NREP: variants seen among roughly 807,000 people sequenced by gnomAD.
NREP encodes neuronal regeneration related protein, also known as neuronal regeneration-related protein.
In NREP, 5 loss-of-function variants were observed where a neutral mutation model predicts 8.6. The observed-to-expected ratio is 0.58, with a 90% CI of 0.30 to 1.22. The LOEUF is 1.22. Among genes scored for constraint, NREP ranks in the 50% most tolerant of loss-of-function variants. The pLI is 0.07. For missense variants in NREP, 86 were observed against 82.5 expected (o/e 1.04, Z -0.17); for synonymous variants, 27 against 28.0 (o/e 0.96, Z 0.11).
chr5:111,778,680 TTGTG>T (rs1223666381), intron 2 of NREP, among the ~76,000 whole-genome samples: 3 of 152,154 alleles, frequency 2.0e-5, no homozygotes, highest in Non-Finnish European at 4.4e-5. Flanking sequence ...ACAAGTTTGT[TTGTG>T]TTTGTTTGTT....
At chr5:111,836,392 C>T (rs1752894336) in intron 2 of NREP, among the ~76,000 whole-genome samples, 1 of 151,992 alleles carries the variant, frequency 6.6e-6, no homozygotes, top group Non-Finnish European at 1.5e-5. Context: ...AAAAGCAATA[C>T]ATTAGCAAAA....
intron 2 of NREP, among the ~76,000 whole-genome samples, chr5:111,944,499 C>T (rs576092060): frequency 5.1e-4 from 78 of 152,046 alleles, no homozygotes; most frequent in Non-Finnish European, 8.2e-4. Context: ...GTAGAGATGA[C>T]GTCTTGCCAT....
intron 2 of NREP, among the ~76,000 whole-genome samples, chr5:111,803,897 A>C (rs544396273): frequency 2.0e-5 from 3 of 152,332 alleles, no homozygotes; most frequent in Admixed American, 2.0e-4. Flanking sequence ...AAATATAGAA[A>C]GATATTCCTT....
rs186273161 is a variant in NREP, at chr5:111,880,873, G to T, written c.135+94401C>A. Among the ~76,000 whole-genome samples the T allele has an allele frequency of 2.5e-3, 376 of 151,626 alleles. 3 individuals are homozygous for T. The highest frequency in any genetic ancestry group is 8.6e-3 in the African/African-American group (356 of 41,266). On this transcript the variant is annotated intron_variant, in intron 2 of 3. Coordinates refer to the NREP transcript ENST00000395634. ...AAGATGGCTGAATAGGAACAGCTCC[G>T]TTCTACAGCTCCCAGCGTGAGCAAC...
At chr5:111,743,451 T>C (rs1749809327) in intron 2 of NREP, among the ~76,000 whole-genome samples, 1 of 152,220 alleles carries the variant, frequency 6.6e-6, no homozygotes, top group African/African-American at 2.4e-5. Flanking sequence ...ATCTGAGTTC[T>C]AAGTCTGGCC....
intron 2 of NREP, among the ~76,000 whole-genome samples, chr5:111,753,396 A>AT (rs1010563295): frequency 6.8e-6 from 1 of 147,648 alleles, no homozygotes; most frequent in Non-Finnish European, 1.5e-5. Context: ...TTATATATAT[A>AT]TTTTATAGAT....
At position 111,920,308 on chromosome 5, in the gene NREP, T is replaced by C. The variant is rs572745099; in HGVS notation, c.135+54966A>G. Among the ~76,000 whole-genome samples, 34 of 152,252 alleles carry C rather than the reference T, an allele frequency of 2.2e-4. No homozygotes were observed. In the South Asian group the frequency reaches 6.8e-3, roughly 31 times the overall value. On this transcript the variant is annotated intron_variant, in intron 2 of 3. Coordinates refer to the NREP transcript ENST00000395634. ...TTCCTTTATTTATTATGTTTTAATTTTACTTTAAAGTTTTAGGATACATGT... is the reference window on the plus strand; with the variant it reads ...TTCCTTTATTTATTATGTTTTAATTCTACTTTAAAGTTTTAGGATACATGT...
intron 2 of NREP, among the ~76,000 whole-genome samples, chr5:111,898,856 T>A (rs1156430352): frequency 6.6e-6 from 1 of 152,056 alleles, no homozygotes; most frequent in Non-Finnish European, 1.5e-5. Context: ...AATTGTTAAC[T>A]CACTTATAAT....
chr5:111,865,394 A>T (rs1423645382), intron 2 of NREP, among the ~76,000 whole-genome samples: 1 of 152,120 alleles, frequency 6.6e-6, no homozygotes, highest in East Asian at 1.9e-4. Flanking sequence ...AACATTGAAA[A>T]TACATGGGAG....
rs147455142 is a variant in NREP, at chr5:111,755,010, A to G, written c.3+760T>C. ...CTGTACTTCACTAAAAAGTTTTATG[A>G]TATTTCTATTATTTTTTTTAGTTCA... On this transcript the variant is annotated intron_variant, in intron 2 of 3. Transcript: ENST00000257435. Among the ~76,000 whole-genome samples, 5 of 152,278 alleles carry G rather than the reference A, an allele frequency of 3.3e-5. No homozygotes were observed. The East Asian group carries it at 9.6e-4, about 29-fold the overall frequency.
intron 2 of NREP, among the ~76,000 whole-genome samples, chr5:111,795,350 C>T (rs1017903267): frequency 6.6e-6 from 1 of 152,174 alleles, no homozygotes; most frequent in African/African-American, 2.4e-5. Flanking sequence ...CTCTGCTTTA[C>T]AAGGAAGGAC....
intron 2 of NREP, among the ~76,000 whole-genome samples, chr5:111,820,791 T>G (rs1752498750): frequency 6.6e-6 from 1 of 152,120 alleles, no homozygotes; most frequent in Admixed American, 6.5e-5. Flanking sequence ...AGAATTTTTG[T>G]GGAAAAAGTT....
At chr5:111,964,154 A>G (rs1182358620) in intron 2 of NREP, among the ~76,000 whole-genome samples, 2 of 152,176 alleles carry the variant, frequency 1.3e-5, no homozygotes, top group Non-Finnish European at 2.9e-5. Context: ...TAGTTTTACT[A>G]CTTATTCCCC....
intron 1 of NREP, chr5:111,756,312 ACCC>A: frequency 7.0e-5 from 7 of 99,448 alleles, no homozygotes; most frequent in East Asian, 4.1e-4. Context: ...AAAAAAAAAA[ACCC>A]TACACGGCGG....
At chr5:111,839,997 G>A (rs762741317) in intron 2 of NREP, among the ~76,000 whole-genome samples, 2 of 152,014 alleles carry the variant, frequency 1.3e-5, no homozygotes, top group South Asian at 2.1e-4. Context: ...CATCCTGATC[G>A]TGTTTCAGAG....
rs995842175 is a variant in NREP, at chr5:111,907,884, A to G, written c.135+67390T>C. Among the ~76,000 whole-genome samples the G allele has an allele frequency of 7.9e-5, 12 of 152,114 alleles. No homozygotes were observed. The East Asian group carries it at 1.4e-3, about 17-fold the overall frequency. On this transcript the variant is annotated intron_variant, in intron 2 of 3. Transcript: ENST00000395634. ...GCTTACTATACCTGTAGGAATTATT[A>G]CTATTTTTTTTATATCCCTGTTACC... is the stretch of plus-strand genomic sequence containing the variant.
chr5:111,833,884 T>C (rs1752832877), intron 2 of NREP, among the ~76,000 whole-genome samples: 1 of 152,244 alleles, frequency 6.6e-6, no homozygotes. Flanking sequence ...ACTGAATTCC[T>C]TTGTTTCAGA....
At chr5:111,738,562 G>A (rs1026918042) in intron 2 of NREP, 3 of 152,174 alleles carry the variant, frequency 2.0e-5, no homozygotes, top group Admixed American at 1.3e-4. Context: ...CATTCATGCA[G>A]CAAGAGTTCA....
chr5:111,857,360 C>T (rs1388856880), intron 2 of NREP, among the ~76,000 whole-genome samples: 1 of 152,186 alleles, frequency 6.6e-6, no homozygotes, highest in Non-Finnish European at 1.5e-5. Context: ...GAGCAGAATC[C>T]AAAAGCCAAT....
Sources: gnomAD v4.1 joint callset for allele counts (sites outside exome capture counted in the v4.1 genomes callset) on GRCh38, gnomAD v4.1.1 for gene constraint, MANE v1.5 for transcripts, NCBI Gene and HGNC (gene_info 2026-07-23, HGNC 2026-07-21) for gene names.